CDKL3: variants seen among roughly 807,000 people sequenced by gnomAD.
CDKL3 encodes cyclin dependent kinase like 3.
In CDKL3, 65 loss-of-function variants were observed where a neutral mutation model predicts 69.3. The ratio of observed to expected loss-of-function variants is 0.94; its 90% CI spans 0.77 to 1.15. The LOEUF is 1.15. CDKL3 is among the 50% of genes most tolerant of loss of function. The probability of loss-of-function intolerance (pLI) is 0.00; values close to 1 mark genes in which losing one functional copy is unlikely to be tolerated. For missense variants in CDKL3, 652 were observed against 689.2 expected, an observed-to-expected ratio of 0.95 and a Z score of 0.61; for synonymous variants, 202 against 221.6, an observed-to-expected ratio of 0.91 and a Z score of 0.79.
At chr5:134,303,118 G>T (rs2037877364) in intron 11 of CDKL3, among the ~76,000 whole-genome samples, 1 of 150,798 alleles carries the variant, frequency 6.6e-6, no homozygotes, top group South Asian at 2.1e-4. Flanking sequence ...TTGAGATGGA[G>T]TCTCACTCTG....
chr5:134,283,429 A>G (rs1376003771), downstream of CDKL3, among the ~76,000 whole-genome samples: 1 of 152,222 alleles, frequency 6.6e-6, no homozygotes, highest in African/African-American at 2.4e-5. Flanking sequence ...AAGGAGCAGC[A>G]AGTCACATCT....
intron 8 of CDKL3, among the ~76,000 whole-genome samples, chr5:134,292,088 A>G (rs943972556): frequency 2.0e-5 from 3 of 152,352 alleles, no homozygotes; most frequent in Admixed American, 6.5e-5. Flanking sequence ...GAAAATCAGT[A>G]AAGATATGAT....
intron 4 of CDKL3, among the ~76,000 whole-genome samples, chr5:134,349,427 C>T (rs1443581220): frequency 2.0e-5 from 3 of 152,098 alleles, no homozygotes; most frequent in African/African-American, 7.2e-5. Context: ...GTAGCTGGGA[C>T]TACAGGCGCA....
chr5:134,322,140 A>G (rs1207563416), intron 4 of CDKL3, among the ~76,000 whole-genome samples: 1 of 152,056 alleles, frequency 6.6e-6, no homozygotes, highest in Non-Finnish European at 1.5e-5. Flanking sequence ...CAGCCTCCCA[A>G]GTAGCTGGGA....
intron 4 of CDKL3, among the ~76,000 whole-genome samples, chr5:134,326,015 C>T (rs536334797): frequency 4.6e-5 from 7 of 150,626 alleles, no homozygotes; most frequent in East Asian, 3.9e-4. Context: ...TGACATGATC[C>T]GCACGCCTCG....
intron 4 of CDKL3, among the ~76,000 whole-genome samples, chr5:134,326,884 C>A (rs1774524475): frequency 7.4e-6 from 1 of 135,016 alleles, no homozygotes; most frequent in Non-Finnish European, 1.6e-5. Context: ...CACACATAGT[C>A]CTTATAGTCC....
chr5:134,319,899 G>A (rs1307894735), intron 5 of CDKL3, among the ~76,000 whole-genome samples: 1 of 152,140 alleles, frequency 6.6e-6, no homozygotes, highest in Non-Finnish European at 1.5e-5. Context: ...AATATTAAAG[G>A]TATGTAGAAA....
chr5:134,300,332 C>T lies in CDKL3; in HGVS notation c.1720-1622G>A, dbSNP rs115462280. Among the ~76,000 whole-genome samples, 653 of 152,008 alleles carry T rather than the reference C, an allele frequency of 4.3e-3. 5 individuals carry two copies. The highest frequency in any genetic ancestry group is 0.024 in the Middle Eastern group (7 of 294). On this transcript the variant is annotated intron_variant, in intron 12 of 12. Transcript: ENST00000265334. Reference sequence around the variant, plus strand: ...CCAGCCTAAGTGGCAGAGTGAGACTCTGTCTCAATAAATAAATAAATAAAT... The same window carrying T: ...CCAGCCTAAGTGGCAGAGTGAGACTTTGTCTCAATAAATAAATAAATAAAT...
rs1425852996 is a variant in CDKL3, at chr5:134,319,505, G to A, written c.653-8C>T. 6.6e-7 allele frequency: 1 copy of A among 1,514,558 alleles called. No homozygotes were observed. The allele number at this position is 1,514,558 out of a possible 1,614,324, so 93.8% of individuals were successfully genotyped here. Reference sequence around the variant, plus strand: ...AGTGAGGTGACAAATTGCCTGAAAAGAGAAAAAAATGTATATTTAAAAAAC... The same window carrying A: ...AGTGAGGTGACAAATTGCCTGAAAAAAGAAAAAAATGTATATTTAAAAAAC... On this transcript the variant is annotated splice_region_variant and splice_polypyrimidine_tract_variant and intron_variant, in intron 5 of 12. Transcript: ENST00000265334.
chr5:134,301,610 G>A (rs993744429), intron 12 of CDKL3, among the ~76,000 whole-genome samples: 1 of 152,092 alleles, frequency 6.6e-6, no homozygotes, highest in East Asian at 1.9e-4. Flanking sequence ...GGCCAGATGC[G>A]GCGGCTCACA....
intron 6 of CDKL3, among the ~76,000 whole-genome samples, chr5:134,318,317 C>A (rs1448736325): frequency 6.6e-6 from 1 of 151,770 alleles, no homozygotes; most frequent in East Asian, 1.9e-4. Context: ...TTTATTTTCT[C>A]CAGGTCAAGA....
At chr5:134,346,821 C>T (rs1165794229) in intron 4 of CDKL3, among the ~76,000 whole-genome samples, 1 of 151,768 alleles carries the variant, frequency 6.6e-6, no homozygotes, top group Non-Finnish European at 1.5e-5. Flanking sequence ...CTTTTTGCCC[C>T]GATAATTGCA....
intron 4 of CDKL3, among the ~76,000 whole-genome samples, chr5:134,329,068 C>T (rs1212855613): frequency 6.6e-6 from 1 of 152,182 alleles, no homozygotes; most frequent in Admixed American, 6.5e-5. Context: ...AGGCCAGGTA[C>T]AGTTCCTCAT....
At chr5:134,306,750 C>CTT (rs11414446) in intron 9 of CDKL3, 48 bp from the exon 10 acceptor site, 37,553 of 221,082 alleles carry the variant, frequency 0.17, 2,058 homozygotes, top group East Asian at 0.19. Flanking sequence ...CCCAGAAATG[C>CTT]TTTTTTTTTT....
chr5:134,345,656 G>T (rs991281762), intron 4 of CDKL3, among the ~76,000 whole-genome samples: 2 of 152,180 alleles, frequency 1.3e-5, no homozygotes, highest in Non-Finnish European at 2.9e-5. Flanking sequence ...GGCAGGCAGG[G>T]GCAGGGGACA....
chr5:134,328,617 A>T (rs563495319), intron 4 of CDKL3, among the ~76,000 whole-genome samples: 131 of 152,296 alleles, frequency 8.6e-4, no homozygotes, highest in Non-Finnish European at 1.5e-3. Flanking sequence ...TTATAAAATA[A>T]TGGAGAAAAA....
At chr5:134,332,713 G>T (rs1776102774) in intron 4 of CDKL3, among the ~76,000 whole-genome samples, 1 of 152,196 alleles carries the variant, frequency 6.6e-6, no homozygotes, top group South Asian at 2.1e-4. Flanking sequence ...AGTATAGTTT[G>T]AAGTCAGGTA....
At chr5:134,350,809 G>C (rs1467380422) in intron 3 of CDKL3, among the ~76,000 whole-genome samples, 1 of 139,208 alleles carries the variant, frequency 7.2e-6, no homozygotes, top group Non-Finnish European at 1.5e-5. Context: ...GTGAGACCCT[G>C]TCTCTAAAAA....
intron 2 of CDKL3, among the ~76,000 whole-genome samples, chr5:134,365,768 C>T (rs974900661): frequency 9.9e-5 from 15 of 152,196 alleles, no homozygotes; most frequent in African/African-American, 3.6e-4. Flanking sequence ...TGTCTTTGCT[C>T]TTTGTCCTTT....
Sources: allele counts gnomAD v4.1 joint callset (sites outside exome capture counted in the v4.1 genomes callset), GRCh38; gene constraint gnomAD v4.1.1; transcripts MANE v1.5; gene names NCBI Gene and HGNC (gene_info 2026-07-23, HGNC 2026-07-21).